The following KIAA1549L variants were observed in gnomAD, a reference collection of about 807,000 sequenced individuals.
KIAA1549L encodes the protein KIAA1549 like.
A neutral mutation model predicts 160.7 loss-of-function variants in KIAA1549L; 88 were observed. That is an observed-to-expected ratio of 0.55 (90% confidence interval 0.46 to 0.65). The LOEUF (loss-of-function observed/expected upper bound fraction) is 0.65, where lower values mean the gene tolerates loss of function less well. Among genes scored for constraint, KIAA1549L ranks in the 30% least tolerant of loss-of-function variants. The pLI, the probability that KIAA1549L is intolerant of heterozygous loss-of-function variation, is 0.00. For missense variants in KIAA1549L, 2,258 were observed against 2,437.5 expected, an observed-to-expected ratio of 0.93 and a Z score of 1.55; for synonymous variants, 950 against 976.7, an observed-to-expected ratio of 0.97 and a Z score of 0.51.
At chr11:33,470,021 G>T (rs998245931) in intron 1 of KIAA1549L, among the ~76,000 whole-genome samples, 1 of 152,098 alleles carries the variant, frequency 6.6e-6, no homozygotes, top group African/African-American at 2.4e-5. Context: ...ATTTTATGAA[G>T]TTCAATTTAT....
rs1393241680 is a variant in KIAA1549L, at chr11:33,402,104, ACT to A, written c.238+25218_238+25219del. ...TCACAATGTTACAACTCCAGCATAG[ACT>A]CTTCTGCACTCCAGCCCTGTTCCCT... is the stretch of plus-strand genomic sequence containing the variant. On this transcript the variant is annotated intron_variant, in intron 1 of 20. Coordinates refer to ENST00000658780, the MANE Select transcript of KIAA1549L (RefSeq NM_012194.3). Among the ~76,000 whole-genome samples, 4 of 151,734 alleles carry A rather than the reference ACT, an allele frequency of 2.6e-5. No homozygotes were observed. In the East Asian group the frequency reaches 7.8e-4, roughly 29 times the overall value.
chr11:33,388,161 G>A (rs1850209502), intron 1 of KIAA1549L, among the ~76,000 whole-genome samples: 1 of 152,154 alleles, frequency 6.6e-6, no homozygotes, highest in Non-Finnish European at 1.5e-5. Context: ...TTTAGAAAGG[G>A]AAGAAGTTTA....
chr11:33,403,491 C>CACAT (rs1850578665), intron 1 of KIAA1549L: 2 of 149,202 alleles, frequency 1.3e-5, no homozygotes, highest in African/African-American at 5.0e-5. Context: ...ACATCAGACA[C>CACAT]ACATAGACAC....
chr11:33,636,326 A>C (rs1429972681), intron 16 of KIAA1549L, among the ~76,000 whole-genome samples: 1 of 151,438 alleles, frequency 6.6e-6, no homozygotes, highest in Non-Finnish European at 1.5e-5. Flanking sequence ...AGGTTGCTAC[A>C]ATCTCTGGTA....
intron 1 of KIAA1549L, among the ~76,000 whole-genome samples, chr11:33,431,365 C>G (rs559511118): frequency 6.6e-6 from 1 of 152,126 alleles, no homozygotes; most frequent in Non-Finnish European, 1.5e-5. Context: ...TTGGTAGAGC[C>G]GAGTGGTCTG....
chr11:33,610,089 A>T, intron 15 of KIAA1549L, 123 bp downstream of exon 15: 5 of 709,258 alleles, frequency 7.0e-6, no homozygotes, highest in Non-Finnish European at 1.2e-5. Flanking sequence ...CAGTCCACTG[A>T]TTTGTACCAC....
At chr11:33,526,515 C>A (rs1853615643) in intron 1 of KIAA1549L, among the ~76,000 whole-genome samples, 1 of 152,158 alleles carries the variant, frequency 6.6e-6, no homozygotes, top group Admixed American at 6.5e-5. Flanking sequence ...GCAGACATTC[C>A]CCAGCACCAG....
At chr11:33,619,006 G>C (rs544065806) in intron 16 of KIAA1549L, among the ~76,000 whole-genome samples, 1 of 152,260 alleles carries the variant, frequency 6.6e-6, no homozygotes, top group Admixed American at 6.5e-5. Context: ...GAATTCACTT[G>C]AACACAGGCT....
At chr11:33,572,071 C>G (rs1276147839) in intron 9 of KIAA1549L, among the ~76,000 whole-genome samples, 1 of 150,852 alleles carries the variant, frequency 6.6e-6, no homozygotes, top group Non-Finnish European at 1.5e-5. Flanking sequence ...AAGTCTCGCT[C>G]TGTCGCCCAG....
At chr11:33,639,085 A>C (rs972843774) in intron 16 of KIAA1549L, among the ~76,000 whole-genome samples, 3 of 152,158 alleles carry the variant, frequency 2.0e-5, no homozygotes, top group Non-Finnish European at 1.5e-5. Context: ...TAGTAGTTTT[A>C]ATTTTGAATA....
chr11:33,659,016 C>T (rs1295654198), intron 19 of KIAA1549L, 118 bp downstream of exon 19: 25 of 1,056,152 alleles, frequency 2.4e-5, no homozygotes, highest in Non-Finnish European at 3.2e-5. Context: ...ACAGCCACTG[C>T]ATTTCTGGAT....
At chr11:33,664,356 A>G (rs201920791) in intron 20 of KIAA1549L, among the ~76,000 whole-genome samples, 2 of 139,612 alleles carry the variant, frequency 1.4e-5, no homozygotes, top group Admixed American at 7.2e-5. Flanking sequence ...GCTCCCAGCC[A>G]GGCGTCAGCC....
chr11:33,377,093 C>G (rs1849971109), intron 1 of KIAA1549L, among the ~76,000 whole-genome samples: 1 of 152,186 alleles, frequency 6.6e-6, no homozygotes, highest in South Asian at 2.1e-4. Context: ...ATCGCCTCTT[C>G]TTTTTGGACA....
At chr11:33,562,961 G>A (rs1171260570) in intron 8 of KIAA1549L, among the ~76,000 whole-genome samples, 1 of 152,022 alleles carries the variant, frequency 6.6e-6, no homozygotes, top group Non-Finnish European at 1.5e-5. Context: ...GATTACAGGT[G>A]TGAGCCGCTG....
Position 33,674,003 on chromosome 11 carries a change from A to G in KIAA1549L, c.*5849A>G, listed in dbSNP as rs1034616220. The G allele has an allele frequency of 6.6e-6, 1 of 152,228 alleles. No individual in the cohort carries two copies. The allele number at this position is 152,228 out of a possible 1,614,324, so 9.4% of individuals were successfully genotyped here. Reference sequence around the variant, plus strand: ...TATTTTAATGCTTCGCTTTCTAATGAACTTTGTACGTCCTTAGCCTCTGCC... The same window carrying G: ...TATTTTAATGCTTCGCTTTCTAATGGACTTTGTACGTCCTTAGCCTCTGCC... On this transcript the variant is annotated 3_prime_UTR_variant, in exon 21 of 21. Coordinates refer to ENST00000658780, the MANE Select transcript of KIAA1549L (RefSeq NM_012194.3).
intron 3 of KIAA1549L, 60 bp from the exon 4 acceptor site, chr11:33,547,704 C>A: frequency 1.9e-6 from 2 of 1,047,330 alleles, no homozygotes; most frequent in South Asian, 1.4e-5. Context: ...GAGCAGAGGG[C>A]AAGTGAATGA....
intron 16 of KIAA1549L, among the ~76,000 whole-genome samples, chr11:33,643,852 C>T (rs1232257144): frequency 2.0e-5 from 3 of 152,310 alleles, no homozygotes; most frequent in South Asian, 2.1e-4. Context: ...GGGTTGCATT[C>T]GTGTTCTAGA....
At chr11:33,548,568 A>G (rs1854343496) in intron 4 of KIAA1549L, among the ~76,000 whole-genome samples, 1 of 152,172 alleles carries the variant, frequency 6.6e-6, no homozygotes, top group African/African-American at 2.4e-5. Context: ...TTATTTCTGG[A>G]CATTTAAAAA....
chr11:33,649,851 A>G (rs1403032468), intron 17 of KIAA1549L, among the ~76,000 whole-genome samples: 1 of 139,328 alleles, frequency 7.2e-6, no homozygotes, highest in Non-Finnish European at 1.5e-5. Context: ...ACACAGCACA[A>G]TCCCATCTCA....
Sources: allele counts gnomAD v4.1 joint callset (sites outside exome capture counted in the v4.1 genomes callset), GRCh38; gene constraint gnomAD v4.1.1; transcripts MANE v1.5; gene names NCBI Gene and HGNC (gene_info 2026-07-23, HGNC 2026-07-21).